Variants in AP3M2 observed in about 807,000 individuals in gnomAD.
AP3M2 encodes adaptor related protein complex 3 subunit mu 2.
In AP3M2, 28 loss-of-function variants were observed where a neutral mutation model predicts 41.6. That is an observed-to-expected ratio of 0.67 (90% confidence interval 0.50 to 0.92). AP3M2 has a LOEUF of 0.92. Among genes scored for constraint, AP3M2 ranks in the 40% least tolerant of loss-of-function variants. AP3M2 has a pLI of 0.00. For missense variants in AP3M2, 427 were observed against 521.4 expected (o/e 0.82, Z 1.76); for synonymous variants, 193 against 186.4 (o/e 1.04, Z -0.29).
chr8:42,162,088 A>AC (rs1180525076), intron 3 of AP3M2, 193 bp from the exon 4 acceptor site: 6 of 451,644 alleles, frequency 1.3e-5, no homozygotes, highest in African/African-American at 1.2e-4. Flanking sequence ...GAAAAGGCAG[A>AC]CCAGATGGCA....
chr8:42,170,923 A>G lies in AP3M2; in HGVS notation c.*1862A>G, dbSNP rs530047478. The G allele has an allele frequency of 2.2e-4, 33 of 152,342 alleles. No homozygotes were observed. The highest frequency in any genetic ancestry group is 7.9e-4 in the African/African-American group (33 of 41,578). 9.4% of individuals were successfully genotyped at this position (152,342 alleles called of 1,614,324 possible). A position where few individuals can be genotyped will look rare whatever the true frequency, so the allele number is the denominator to read the frequency against. On this transcript the variant is annotated 3_prime_UTR_variant, in exon 9 of 9. Transcript: ENST00000396926. ...AGCAGTTTTATTTCCTCTAGAACTC[A>G]TCCTGTTTCAAGGGAAGTACCTAAG...
intron 4 of AP3M2, 119 bp downstream of exon 4, chr8:42,162,537 C>A: frequency 8.3e-7 from 1 of 1,208,950 alleles, no homozygotes; most frequent in Non-Finnish European, 1.1e-6. Context: ...TTAGTGCCTA[C>A]TTTGTGCCAG....
intron 5 of AP3M2, 60 bp from the exon 6 acceptor site, chr8:42,165,367 C>T: frequency 6.3e-7 from 1 of 1,585,768 alleles, no homozygotes; most frequent in Non-Finnish European, 8.6e-7. Flanking sequence ...AATTGCTTTC[C>T]TGAAAGCACT....
chr8:42,167,891 TC>T (rs2044704808), intron 8 of AP3M2, 81 bp downstream of exon 8: 1 of 1,485,006 alleles, frequency 6.7e-7, no homozygotes, highest in Non-Finnish European at 9.1e-7. Context: ...AGGAAGCCTT[TC>T]TGGGCTTCCT....
intron 3 of AP3M2, among the ~76,000 whole-genome samples, chr8:42,161,164 A>G (rs1804495735): frequency 6.6e-6 from 1 of 152,126 alleles, no homozygotes; most frequent in South Asian, 2.1e-4. Context: ...TTAGCCAAGC[A>G]TGGTGGTGCA....
At position 42,155,821 on chromosome 8, in the gene AP3M2, T is replaced by C. The variant is rs59253046; in HGVS notation, c.273+861T>C. 1,807 of 329,402 alleles carry C rather than the reference T, an allele frequency of 5.5e-3. 24 individuals are homozygous for C. The highest frequency in any genetic ancestry group is 0.034 in the African/African-American group (1,582 of 45,966). 20.4% of individuals were successfully genotyped at this position (329,402 alleles called of 1,614,324 possible). On this transcript the variant is annotated intron_variant, in intron 2 of 8. Transcript: ENST00000396926. ...TCATATGAACACTGGAATTGTGGAA[T>C]TGGAGAAGAGAATGAGGACCCACAC... is the stretch of plus-strand genomic sequence containing the variant.
Position 42,167,829 on chromosome 8 carries a change from A to G in AP3M2, c.1156+19A>G, listed in dbSNP as rs779667835. On this transcript the variant is annotated intron_variant, in intron 8 of 8. Coordinates refer to ENST00000396926, the MANE Select transcript of AP3M2 (RefSeq NM_006803.4). ...ATTTCTGGTAAGTGACCCAGAGCTCAAGAGGCTCCAAAGGGAACAAAAACG... is the reference window on the plus strand; with the variant it reads ...ATTTCTGGTAAGTGACCCAGAGCTCGAGAGGCTCCAAAGGGAACAAAAACG... 9 of 1,604,106 alleles carry G rather than the reference A, an allele frequency of 5.6e-6. No homozygotes were observed. Among genetic ancestry groups the G allele is most frequent in the Non-Finnish European group, 7.6e-6 (9 of 1,177,110 alleles).
rs1344055831 is a variant in AP3M2 at position 42,165,443 on chromosome 8, A to T, written c.686A>T (p.Asp229Val). Residue 229 changes from aspartate (D) to valine (V), a missense_variant, in exon 6 of 9, where the codon GAT (aspartate) becomes GTT (valine). Physicochemically the swap from Asp to Val is radical, Grantham distance 152. Around this residue, in one of 3 missense-constraint regions of AP3M2, gnomAD observed 237 missense variants for 284.9 expected, o/e 0.83. Coordinates refer to ENST00000396926, the MANE Select transcript of AP3M2 (RefSeq NM_006803.4). ...TLSFMNPRLL[D>V]DVSFHPCVRF... ...TGACTGTAGAACCCTAGGTTGTTGG[A>T]TGATGTCAGCTTCCATCCTTGTGTT... The T allele has an allele frequency of 6.2e-7, 1 of 1,614,024 alleles. No homozygotes were observed. The highest frequency in any genetic ancestry group is 1.3e-5 in the African/African-American group (1 of 74,898).
At chr8:42,158,369 C>A (rs1476068054) in intron 3 of AP3M2, among the ~76,000 whole-genome samples, 2 of 151,920 alleles carry the variant, frequency 1.3e-5, no homozygotes, top group Non-Finnish European at 2.9e-5. Flanking sequence ...CTGCCTCAGC[C>A]TCCCGAGTAG....
intron 3 of AP3M2, among the ~76,000 whole-genome samples, chr8:42,159,431 T>C (rs1804446481): frequency 6.6e-6 from 1 of 152,274 alleles, no homozygotes; most frequent in Non-Finnish European, 1.5e-5. Flanking sequence ...GATAGTTTAT[T>C]GATATCTTGT....
chr8:42,154,909 C>T lies in AP3M2; in HGVS notation c.222C>T (p.Val74=). The part of the protein sequence containing the change: ...IFFVAVIQTE[V]PPLFVIEFLH... The stretch of plus-strand genomic sequence containing the variant: ...TTGTGGCCGTGATCCAGACGGAGGT[C>T]CCCCCTCTGTTTGTCATTGAGTTTC... Residue 74 remains valine (V), a synonymous_variant, in exon 2 of 9, where the codon GTC becomes GTT. Transcript: ENST00000396926. The T allele has an allele frequency of 1.2e-6, 2 of 1,614,116 alleles. No individual in the cohort carries two copies. The highest frequency in any genetic ancestry group is 1.7e-6 in the Non-Finnish European group (2 of 1,180,030).
chr8:42,155,084 T>C, intron 2 of AP3M2, 124 bp downstream of exon 2: 1 of 773,058 alleles, frequency 1.3e-6, no homozygotes, highest in Non-Finnish European at 2.1e-6. Flanking sequence ...TATTACTCAC[T>C]TCCTCTCCCA....
rs1804764057 is a variant in AP3M2, at chr8:42,170,318, T to C, written c.*1257T>C. The C allele has an allele frequency of 6.6e-6, 1 of 152,214 alleles. No individual in the cohort carries two copies. Among genetic ancestry groups the C allele is most frequent in the South Asian group, 2.1e-4 (1 of 4,832 alleles). The allele number at this position is 152,214 out of a possible 1,614,324, so 9.4% of individuals were successfully genotyped here. A position where few individuals can be genotyped will look rare whatever the true frequency, so the allele number is the denominator to read the frequency against. On this transcript the variant is annotated 3_prime_UTR_variant, in exon 9 of 9. Coordinates refer to ENST00000396926, the MANE Select transcript of AP3M2 (RefSeq NM_006803.4). The stretch of plus-strand genomic sequence containing the variant: ...TCATTCTAAGACAAAACATTTCTCC[T>C]AAATCTCTGAATAAAATCAGTGCTG...
At chr8:42,161,534 G>A (rs964206067) in intron 3 of AP3M2, among the ~76,000 whole-genome samples, 5 of 152,094 alleles carry the variant, frequency 3.3e-5, no homozygotes, top group South Asian at 2.1e-4. Flanking sequence ...GTTTGAACCC[G>A]GAAGGCAGAG....
intron 8 of AP3M2, among the ~76,000 whole-genome samples, chr8:42,168,479 T>G (rs1804700986): frequency 6.6e-6 from 1 of 152,264 alleles, no homozygotes; most frequent in African/African-American, 2.4e-5. Flanking sequence ...TCATTTGATG[T>G]ATAAGCTCTT....
intron 3 of AP3M2, 41 bp downstream of exon 3, chr8:42,158,153 C>T: frequency 1.9e-6 from 3 of 1,589,106 alleles, no homozygotes; most frequent in Non-Finnish European, 2.6e-6. Flanking sequence ...GGCCATCCTA[C>T]AGCCTGAGTG....
intron 2 of AP3M2, chr8:42,155,853 ATAAAAGT>A: frequency 2.6e-6 from 1 of 379,586 alleles, no homozygotes; most frequent in Non-Finnish European, 5.3e-6. Flanking sequence ...ACACACTATG[ATAAAAGT>A]TAAAAAGCAA....
chr8:42,157,387 A>T (rs975864876), intron 2 of AP3M2, among the ~76,000 whole-genome samples: 2 of 152,172 alleles, frequency 1.3e-5, no homozygotes, highest in African/African-American at 4.8e-5. Flanking sequence ...ATAATTTAGC[A>T]CCTAACGTTA....
rs557954995 is a variant in AP3M2 at position 42,170,322 on chromosome 8, T to C, written c.*1261T>C. 6.6e-6 allele frequency: 1 copy of C among 152,318 alleles called. No individual in the cohort carries two copies. The highest frequency in any genetic ancestry group is 2.1e-4 in the South Asian group (1 of 4,826). The allele number at this position is 152,318 out of a possible 1,614,324, so 9.4% of individuals were successfully genotyped here. On this transcript the variant is annotated 3_prime_UTR_variant, in exon 9 of 9. Coordinates refer to ENST00000396926, the MANE Select transcript of AP3M2 (RefSeq NM_006803.4). ...TCTAAGACAAAACATTTCTCCTAAA[T>C]CTCTGAATAAAATCAGTGCTGTAGG...
Sources: allele counts gnomAD v4.1 joint callset (sites outside exome capture counted in the v4.1 genomes callset), GRCh38; gene constraint gnomAD v4.1.1; regional missense constraint gnomAD v4.1.1; transcripts MANE v1.5; gene names NCBI Gene and HGNC (gene_info 2026-07-23, HGNC 2026-07-21).